STK4: variants seen among roughly 807,000 people sequenced by gnomAD.
The protein encoded by STK4 is serine/threonine kinase 4, also known as serine/threonine-protein kinase 4.
A neutral mutation model predicts 64.9 loss-of-function variants in STK4; 30 were observed. The observed-to-expected ratio is 0.46, with a 90% CI of 0.35 to 0.63. STK4 has a LOEUF of 0.63. Among genes scored for constraint, STK4 ranks in the 20% least tolerant of loss-of-function variants. The pLI, the probability that STK4 is intolerant of heterozygous loss-of-function variation, is 0.01. For synonymous variants in STK4, 177 were observed against 199.0 expected (o/e 0.89, Z 0.93); for missense variants, 466 against 598.5 (o/e 0.78, Z 2.31).
intron 8 of STK4, 147 bp from the exon 9 acceptor site, chr20:45,001,020 A>G: frequency 5.8e-6 from 5 of 858,150 alleles, no homozygotes; most frequent in Non-Finnish European, 7.1e-6. Context: ...TGCTTAAGTA[A>G]CAGCGCTTTC....
intron 10 of STK4, among the ~76,000 whole-genome samples, chr20:45,033,841 A>G (rs918285208): frequency 6.6e-5 from 10 of 152,142 alleles, no homozygotes; most frequent in African/African-American, 2.4e-4. Flanking sequence ...CGGCCTTTCA[A>G]AGTGCTGGGA....
At chr20:44,978,781 G>GC (rs2067383094) in intron 3 of STK4, among the ~76,000 whole-genome samples, 1 of 124,936 alleles carries the variant, frequency 8.0e-6, no homozygotes, top group Non-Finnish European at 1.8e-5. Flanking sequence ...ATGGTGTTTT[G>GC]TTTTTTTTTT....
Position 45,017,243 on chromosome 20 carries a change from T to C in STK4, c.1148-7730T>C, listed in dbSNP as rs538234673. Among the ~76,000 whole-genome samples, 21 of 152,354 alleles carry C rather than the reference T, an allele frequency of 1.4e-4. No individual in the cohort carries two copies. The South Asian group carries it at 3.1e-3, about 23-fold the overall frequency. Reference sequence around the variant, plus strand: ...TGTCATTATCATTATCTAATACTTATGGCATGTGTACTGTTCTAATTGTTC... The same window carrying C: ...TGTCATTATCATTATCTAATACTTACGGCATGTGTACTGTTCTAATTGTTC... On this transcript the variant is annotated intron_variant, in intron 9 of 10. Transcript: ENST00000372806.
chr20:45,003,862 G>A (rs950919554), intron 9 of STK4, among the ~76,000 whole-genome samples: 14 of 151,698 alleles, frequency 9.2e-5, no homozygotes, highest in Admixed American at 1.3e-4. Context: ...GACTACAGGC[G>A]TGTGCTGCCA....
rs1980493215 is a variant in STK4 at position 45,076,093 on chromosome 20, A to G, written c.*917A>G. On this transcript the variant is annotated 3_prime_UTR_variant, in exon 11 of 11. Transcript: ENST00000372806. This position sits in a 1 kb window ranked among gnomAD's most constrained non-coding sequence, Gnocchi z 4.0. ...TTCATGTAAAAATCATACACGTGGCATGTTGCTCCACATTCCTTACACACA... is the reference window on the plus strand; with the variant it reads ...TTCATGTAAAAATCATACACGTGGCGTGTTGCTCCACATTCCTTACACACA... 1 of 152,640 alleles carries G rather than the reference A, an allele frequency of 6.6e-6. No individual in the cohort carries two copies. The highest frequency in any genetic ancestry group is 1.5e-5 in the Non-Finnish European group (1 of 68,058). The allele number at this position is 152,640 out of a possible 1,614,324, so 9.5% of individuals were successfully genotyped here.
chr20:44,984,671 T>C (rs2067501669), intron 4 of STK4, among the ~76,000 whole-genome samples: 1 of 152,236 alleles, frequency 6.6e-6, no homozygotes, highest in African/African-American at 2.4e-5. Context: ...GAAGAATTAT[T>C]GCCATAAAAA....
At chr20:44,985,924 A>C (rs2067523197) in intron 4 of STK4, among the ~76,000 whole-genome samples, 1 of 152,292 alleles carries the variant, frequency 6.6e-6, no homozygotes, top group East Asian at 1.9e-4. Context: ...TGTTTGTCAG[A>C]AGGGGAACTA....
chr20:45,035,819 A>G (rs762427595), intron 10 of STK4, among the ~76,000 whole-genome samples: 14 of 151,612 alleles, frequency 9.2e-5, no homozygotes, highest in Non-Finnish European at 1.9e-4. Context: ...CATTACGCTT[A>G]GAGAGTTTAT....
chr20:45,011,708 CATAT>C (rs749788988), intron 9 of STK4, among the ~76,000 whole-genome samples: 7 of 86,902 alleles, frequency 8.1e-5, no homozygotes, highest in African/African-American at 2.5e-4. Flanking sequence ...GTAGAACATA[CATAT>C]ATATATATAT....
chr20:44,975,350 C>T, intron 2 of STK4: 1 of 984,650 alleles, frequency 1.0e-6, no homozygotes, highest in East Asian at 1.1e-4. Context: ...TATATGGAAT[C>T]AGGAATCTTA....
chr20:45,063,435 AG>A (rs1222458421), intron 10 of STK4, among the ~76,000 whole-genome samples: 1 of 152,084 alleles, frequency 6.6e-6, no homozygotes, highest in Non-Finnish European at 1.5e-5. Context: ...TTTAACAGGA[AG>A]GTTTGTTTTT....
At chr20:45,043,462 T>C (rs1408431662) in intron 10 of STK4, among the ~76,000 whole-genome samples, 1 of 152,210 alleles carries the variant, frequency 6.6e-6, no homozygotes, top group Non-Finnish European at 1.5e-5. Flanking sequence ...GCTGAGTAGC[T>C]GTGGGCCACT....
intron 5 of STK4, among the ~76,000 whole-genome samples, chr20:44,993,882 G>A (rs983365653): frequency 2.6e-5 from 4 of 151,916 alleles, no homozygotes; most frequent in African/African-American, 9.7e-5. Flanking sequence ...GGGAGACTCA[G>A]TCAGGAGAGT....
chr20:45,007,074 C>T (rs750139785), intron 9 of STK4, among the ~76,000 whole-genome samples: 3 of 151,736 alleles, frequency 2.0e-5, no homozygotes, highest in African/African-American at 7.3e-5. Context: ...TTTTTTAAGT[C>T]TTGAGTTTCT....
chr20:44,982,665 G>C (rs1273357420), intron 4 of STK4, among the ~76,000 whole-genome samples: 2 of 152,122 alleles, frequency 1.3e-5, no homozygotes, highest in Admixed American at 1.3e-4. Flanking sequence ...TGCTGATACT[G>C]TGGTTGCAGT....
At chr20:44,982,190 C>T (rs2067454372) in intron 4 of STK4, among the ~76,000 whole-genome samples, 2 of 148,704 alleles carry the variant, frequency 1.3e-5, no homozygotes, top group Non-Finnish European at 1.5e-5. Flanking sequence ...TAGCTCACTA[C>T]AGTCATAGCT....
intron 3 of STK4, among the ~76,000 whole-genome samples, chr20:44,980,270 T>C (rs369555237): frequency 1.7e-3 from 260 of 152,364 alleles, no homozygotes; most frequent in Non-Finnish European, 3.4e-3. Context: ...TTCATTAATA[T>C]TTAATGTGTG....
intron 1 of STK4, among the ~76,000 whole-genome samples, chr20:44,968,122 T>A (rs540658167): frequency 2.0e-5 from 3 of 151,820 alleles, no homozygotes; most frequent in Non-Finnish European, 4.4e-5. Context: ...GTCTATGGGG[T>A]CTGGTCCAAA....
intron 9 of STK4, among the ~76,000 whole-genome samples, chr20:45,009,599 A>G (rs768492373): frequency 9.2e-5 from 14 of 152,186 alleles, no homozygotes; most frequent in Non-Finnish European, 1.6e-4. Flanking sequence ...TAGGAATAGT[A>G]TGGAATCTGT....
Sources: gnomAD v4.1 joint callset for allele counts (sites outside exome capture counted in the v4.1 genomes callset) on GRCh38, gnomAD v4.1.1 for gene constraint, Gnocchi (gnomAD v3.1) non-coding constraint, MANE v1.5 for transcripts, NCBI Gene and HGNC (gene_info 2026-07-23, HGNC 2026-07-21) for gene names.